Variants in ITIH5 observed in about 807,000 individuals in gnomAD.
ITIH5 encodes inter-alpha-trypsin inhibitor heavy chain H5.
A neutral mutation model predicts 77.5 loss-of-function variants in ITIH5; 65 were observed. The observed-to-expected ratio is 0.84, with a 90% CI of 0.69 to 1.03. ITIH5 has a LOEUF of 1.03. ITIH5 is among the 50% of genes least tolerant of loss of function. ITIH5 has a pLI of 0.00. For synonymous variants in ITIH5, 525 were observed against 494.3 expected (o/e 1.06, Z -0.82); for missense variants, 1,208 against 1,213.1 (o/e 1.00, Z 0.06).
intron 2 of ITIH5, among the ~76,000 whole-genome samples, chr10:7,644,503 T>C (rs1176530402): frequency 7.3e-6 from 1 of 137,418 alleles, no homozygotes; most frequent in African/African-American, 2.8e-5. Flanking sequence ...CATAATCACA[T>C]ATATATGATA....
At chr10:7,619,122 T>G (rs2131039999) in intron 5 of ITIH5, 1 of 152,410 alleles carries the variant, frequency 6.6e-6, no homozygotes, top group African/African-American at 2.4e-5. Flanking sequence ...CCAGCATGGT[T>G]GAAGATGCCT....
rs539373113 is a variant in ITIH5 at position 7,651,246 on chromosome 10, C to A, written c.135+4385G>T. Among the ~76,000 whole-genome samples, 210 of 151,588 alleles carry A rather than the reference C, an allele frequency of 1.4e-3. 1 individual carries two copies. Among genetic ancestry groups the A allele is most frequent in the Non-Finnish European group, 2.3e-3 (158 of 67,876 alleles). On this transcript the variant is annotated intron_variant, in intron 2 of 13. Transcript: ENST00000397146. ...TGCAAGCATACCTTTGATATATAAA[C>A]CGACCAATCCATAGCCACACATCCA...
At chr10:7,563,503 C>T (rs1832079689) in intron 13 of ITIH5, 119 bp from the exon 14 acceptor site, 4 of 798,990 alleles carry the variant, frequency 5.0e-6, no homozygotes, top group Non-Finnish European at 7.9e-6. Flanking sequence ...CGAGACTGGA[C>T]TCTCCCAGTG....
chr10:7,622,594 C>G (rs1363999940), intron 5 of ITIH5: 1 of 151,708 alleles, frequency 6.6e-6, no homozygotes, highest in Non-Finnish European at 1.5e-5. Flanking sequence ...CTCTATACCA[C>G]TGAAAGCTTG....
At chr10:7,622,636 T>A (rs1833492609) in intron 5 of ITIH5, among the ~76,000 whole-genome samples, 1 of 152,102 alleles carries the variant, frequency 6.6e-6, no homozygotes, top group Non-Finnish European at 1.5e-5. Flanking sequence ...GACAGACACA[T>A]AATAAACATT....
intron 13 of ITIH5, among the ~76,000 whole-genome samples, chr10:7,564,876 GTA>G (rs1277373989): frequency 3.5e-5 from 5 of 143,388 alleles, no homozygotes; most frequent in Admixed American, 2.2e-4. Context: ...GACTGTATAT[GTA>G]TACACACACA....
rs140932443 is a variant in ITIH5, at chr10:7,612,609, T to C, written c.939+3373A>G. Among the ~76,000 whole-genome samples, 53 of 151,978 alleles carry C rather than the reference T, an allele frequency of 3.5e-4. 2 individuals carry two copies. The East Asian group carries it at 9.5e-3, about 27-fold the overall frequency. ...TTTAATCATAAATATCTTCAGCAAGTTATGTTTGTTCAGAGGAAATACAAA... is the reference window on the plus strand; with the variant it reads ...TTTAATCATAAATATCTTCAGCAAGCTATGTTTGTTCAGAGGAAATACAAA... On this transcript the variant is annotated intron_variant, in intron 7 of 13. Coordinates refer to ENST00000397146, the MANE Select transcript of ITIH5 (RefSeq NM_030569.7).
chr10:7,582,222 T>C (rs1832580254), intron 8 of ITIH5, among the ~76,000 whole-genome samples: 1 of 152,138 alleles, frequency 6.6e-6, no homozygotes, highest in Non-Finnish European at 1.5e-5. Flanking sequence ...AATCAGACAA[T>C]TTAAGTTTGG....
chr10:7,581,019 G>A, intron 8 of ITIH5, among the ~76,000 whole-genome samples: 1 of 152,154 alleles, frequency 6.6e-6, no homozygotes, highest in Non-Finnish European at 1.5e-5. Flanking sequence ...CAGCACTCTG[G>A]GAGGCCAAGG....
At chr10:7,650,758 C>G (rs1480329166) in intron 2 of ITIH5, among the ~76,000 whole-genome samples, 1 of 151,706 alleles carries the variant, frequency 6.6e-6, no homozygotes, top group Non-Finnish European at 1.5e-5. Context: ...AAAATACAGC[C>G]CATGTTGTTA....
Position 7,579,259 on chromosome 10 carries a change from C to G in ITIH5, c.1418+496G>C, listed in dbSNP as rs139467781. Among the ~76,000 whole-genome samples the G allele has an allele frequency of 8.5e-3, 1,289 of 152,338 alleles. 13 individuals carry two copies. The highest frequency in any genetic ancestry group is 0.029 in the African/African-American group (1,208 of 41,582). Reference sequence around the variant, plus strand: ...TCTTGCTTAGGGCCGGGTGTGGTGGCTCACGCCCATAATCCCAGTACTTTG... The same window carrying G: ...TCTTGCTTAGGGCCGGGTGTGGTGGGTCACGCCCATAATCCCAGTACTTTG... On this transcript the variant is annotated intron_variant, in intron 9 of 13. Transcript: ENST00000397146.
intron 12 of ITIH5, among the ~76,000 whole-genome samples, chr10:7,566,707 G>A (rs111641615): frequency 0.021 from 2,373 of 111,028 alleles, 84 homozygotes; most frequent in African/African-American, 0.089. Flanking sequence ...GGGCTACAGA[G>A]TGAGATCCTA....
chr10:7,648,745 A>C (rs1834045618), intron 2 of ITIH5, among the ~76,000 whole-genome samples: 1 of 152,220 alleles, frequency 6.6e-6, no homozygotes, highest in African/African-American at 2.4e-5. Context: ...GATAAGAAAT[A>C]ATTTCATTTA....
intron 7 of ITIH5, among the ~76,000 whole-genome samples, chr10:7,590,543 T>C (rs2130986287): frequency 6.6e-6 from 1 of 152,334 alleles, no homozygotes; most frequent in South Asian, 2.1e-4. Flanking sequence ...AATACATACA[T>C]CGTGCTGTAA....
At chr10:7,608,617 T>C (rs965671619) in intron 7 of ITIH5, among the ~76,000 whole-genome samples, 2 of 152,176 alleles carry the variant, frequency 1.3e-5, no homozygotes, top group African/African-American at 4.8e-5. Context: ...CAGACCCACA[T>C]AGTCTGAAGA....
intron 2 of ITIH5, among the ~76,000 whole-genome samples, 194 bp from the exon 3 acceptor site, chr10:7,642,284 G>C (rs1833902977): frequency 6.6e-6 from 1 of 151,726 alleles, no homozygotes; most frequent in Non-Finnish European, 1.5e-5. Context: ...AACAACCTTG[G>C]TTGTTTTGCA....
intron 9 of ITIH5, chr10:7,578,826 C>T (rs1248148891): frequency 6.6e-6 from 1 of 152,176 alleles, no homozygotes; most frequent in East Asian, 1.9e-4. Flanking sequence ...TGCGTGGCAA[C>T]ATAATATCGG....
At chr10:7,628,702 C>T (rs111232635) in intron 5 of ITIH5, among the ~76,000 whole-genome samples, 16 of 145,780 alleles carry the variant, frequency 1.1e-4, no homozygotes, top group Admixed American at 6.1e-4. Flanking sequence ...CATGTTGCAG[C>T]GTGTGTCCAT....
intron 5 of ITIH5, among the ~76,000 whole-genome samples, chr10:7,633,679 A>T (rs1833748140): frequency 6.6e-6 from 1 of 152,174 alleles, no homozygotes; most frequent in Non-Finnish European, 1.5e-5. Context: ...TTGAAAAAAA[A>T]AAGCTAAGAG....
Sources: allele counts gnomAD v4.1 joint callset (sites outside exome capture counted in the v4.1 genomes callset), GRCh38; gene constraint gnomAD v4.1.1; transcripts MANE v1.5; gene names NCBI Gene and HGNC (gene_info 2026-07-23, HGNC 2026-07-21).